Variants in DNER observed in about 807,000 individuals in gnomAD.
DNER encodes the protein delta and Notch-like epidermal growth factor-related receptor.
A neutral mutation model predicts 78.2 loss-of-function variants in DNER; 33 were observed. The observed-to-expected ratio is 0.42, with a 90% CI of 0.32 to 0.56. The LOEUF is 0.56. DNER is among the 20% of genes least tolerant of loss of function. DNER has a pLI of 0.11. For missense variants in DNER, 918 were observed against 975.3 expected, an observed-to-expected ratio of 0.94 and a Z score of 0.78; for synonymous variants, 417 against 384.8, an observed-to-expected ratio of 1.08 and a Z score of -0.98.
chr2:229,366,245 A>G (rs1475183359), intron 12 of DNER, among the ~76,000 whole-genome samples: 1 of 152,148 alleles, frequency 6.6e-6, no homozygotes, highest in Non-Finnish European at 1.5e-5. Flanking sequence ...CCAAGGAGGG[A>G]GAGTTATCCC....
chr2:229,624,473 G>A (rs542720931), intron 1 of DNER, among the ~76,000 whole-genome samples: 17 of 146,852 alleles, frequency 1.2e-4, no homozygotes, highest in Non-Finnish European at 1.5e-4. Context: ...AAAAAGGTGA[G>A]TCTCTGGAAC....
chr2:229,550,062 G>T (rs1054719836), intron 4 of DNER, among the ~76,000 whole-genome samples: 33 of 151,396 alleles, frequency 2.2e-4, no homozygotes, highest in Non-Finnish European at 4.9e-4. Flanking sequence ...GCATAATCTT[G>T]GTTCACTGCA....
At chr2:229,375,051 G>A (rs1255484495) in intron 11 of DNER, among the ~76,000 whole-genome samples, 1 of 152,098 alleles carries the variant, frequency 6.6e-6, no homozygotes, top group African/African-American at 2.4e-5. Context: ...AGTCAAGATC[G>A]AATCACATCA....
intron 4 of DNER, among the ~76,000 whole-genome samples, chr2:229,576,330 T>C (rs551778916): frequency 0.12 from 1,561 of 12,610 alleles, 11 homozygotes; most frequent in African/African-American, 0.15. Context: ...TTCTCTCTCT[T>C]TTTTTTTTTT....
chr2:229,358,707 T>C (rs560484109), intron 12 of DNER, 56 bp from the exon 13 acceptor site: 93 of 1,426,192 alleles, frequency 6.5e-5, no homozygotes, highest in Middle Eastern at 3.5e-4. Context: ...CAAGTTTAAT[T>C]AAAGCAAGTG....
At chr2:229,373,402 G>A (rs535046939) in intron 11 of DNER, among the ~76,000 whole-genome samples, 16 of 152,102 alleles carry the variant, frequency 1.1e-4, no homozygotes, top group East Asian at 3.9e-4. Context: ...AGATAATCAC[G>A]TCCCACCAGT....
intron 11 of DNER, among the ~76,000 whole-genome samples, chr2:229,384,495 A>G (rs1381575845): frequency 6.6e-6 from 1 of 152,190 alleles, no homozygotes; most frequent in Non-Finnish European, 1.5e-5. Context: ...AAAGATTTAC[A>G]AAATAGATAG....
intron 6 of DNER, among the ~76,000 whole-genome samples, chr2:229,485,302 G>C (rs1460798902): frequency 6.6e-6 from 1 of 152,164 alleles, no homozygotes; most frequent in Non-Finnish European, 1.5e-5. Context: ...CCTGACATAG[G>C]AAGCAAAGCC....
intron 4 of DNER, among the ~76,000 whole-genome samples, chr2:229,565,799 T>C (rs1052710117): frequency 2.0e-5 from 3 of 152,234 alleles, no homozygotes; most frequent in Admixed American, 2.0e-4. Flanking sequence ...CACTTTCCTT[T>C]GAAATTTTTT....
chr2:229,393,723 T>A (rs890534828), intron 10 of DNER, among the ~76,000 whole-genome samples: 3 of 152,022 alleles, frequency 2.0e-5, no homozygotes, highest in Non-Finnish European at 4.4e-5. Flanking sequence ...GGCGGGCGCC[T>A]GTAGTCCCAG....
intron 4 of DNER, among the ~76,000 whole-genome samples, chr2:229,571,252 A>G (rs1467656750): frequency 6.6e-6 from 1 of 152,072 alleles, no homozygotes; most frequent in Non-Finnish European, 1.5e-5. Context: ...CCCGATGTGC[A>G]GGAAGGAGGA....
chr2:229,693,760 C>A (rs1022289871), intron 1 of DNER, among the ~76,000 whole-genome samples: 6 of 151,958 alleles, frequency 3.9e-5, no homozygotes, highest in African/African-American at 1.5e-4. Context: ...GCAAAGGGTT[C>A]AAGATGAAGC....
intron 1 of DNER, among the ~76,000 whole-genome samples, chr2:229,597,135 G>A (rs1263439716): frequency 4.0e-5 from 6 of 151,776 alleles, no homozygotes; most frequent in East Asian, 1.9e-4. Context: ...ACAGGAGTAC[G>A]AGGCAGAGAA....
intron 3 of DNER, among the ~76,000 whole-genome samples, chr2:229,586,438 ACC>A (rs1697497225): frequency 6.2e-5 from 2 of 32,356 alleles, no homozygotes; most frequent in Non-Finnish European, 1.2e-4. Flanking sequence ...CCACCCACCC[ACC>A]CACACACACA....
intron 1 of DNER, among the ~76,000 whole-genome samples, chr2:229,613,299 T>G (rs756714153): frequency 1.7e-4 from 26 of 152,178 alleles, no homozygotes; most frequent in Middle Eastern, 3.2e-3. Context: ...GTATGAACCA[T>G]TGTAAAAAGC....
At chr2:229,403,069 T>C (rs1693302569) in intron 10 of DNER, among the ~76,000 whole-genome samples, 1 of 152,194 alleles carries the variant, frequency 6.6e-6, no homozygotes, top group East Asian at 1.9e-4. Context: ...CAGTTTAATA[T>C]GGTAAATATG....
At chr2:229,489,496 T>TG (rs1247772765) in intron 6 of DNER, among the ~76,000 whole-genome samples, 1 of 52,718 alleles carries the variant, frequency 1.9e-5, no homozygotes, top group Non-Finnish European at 3.7e-5. Context: ...TGGGTGGGTG[T>TG]GGGGGGCGCG....
At chr2:229,508,880 CAAAAAGAAAAGAAAAGAAAA>C (rs1440928883) in intron 6 of DNER, among the ~76,000 whole-genome samples, 1 of 122,446 alleles carries the variant, frequency 8.2e-6, no homozygotes, top group Non-Finnish European at 1.7e-5. Context: ...GACTCCATCT[CAAAAAGAAAAGAAAAGAAAA>C]GAAAAGAAAA....
chr2:229,570,885 G>A (rs934336800), intron 4 of DNER, among the ~76,000 whole-genome samples: 2 of 152,086 alleles, frequency 1.3e-5, no homozygotes, highest in South Asian at 4.1e-4. Context: ...GGGAGAAGAG[G>A]GGAAGCCAGG....
Sources: gnomAD v4.1 joint callset for allele counts (sites outside exome capture counted in the v4.1 genomes callset) on GRCh38, gnomAD v4.1.1 for gene constraint, MANE v1.5 for transcripts, NCBI Gene and HGNC (gene_info 2026-07-23, HGNC 2026-07-21) for gene names.